The following PDE11A variants were observed in gnomAD, a reference collection of about 807,000 sequenced individuals.
The protein encoded by PDE11A is phosphodiesterase 11A.
PDE11A carries 100 observed loss-of-function variants against 100.5 expected under a neutral mutation model. The ratio of observed to expected loss-of-function variants is 1.00; its 90% CI spans 0.85 to 1.18. The LOEUF (loss-of-function observed/expected upper bound fraction) is 1.18. PDE11A is among the 50% of genes most tolerant of loss of function. PDE11A has a pLI of 0.00. For synonymous variants in PDE11A, 381 were observed against 420.8 expected (o/e 0.91, Z 1.16); for missense variants, 1,141 against 1,152.6 (o/e 0.99, Z 0.15).
At chr2:177,979,060 T>G (rs2085843558) in intron 2 of PDE11A, among the ~76,000 whole-genome samples, 1 of 115,422 alleles carries the variant, frequency 8.7e-6, no homozygotes, top group Admixed American at 8.4e-5. Context: ...ACATGTACCC[T>G]AAAACTTAGA....
At chr2:177,659,885 T>A (rs2080449843) in intron 19 of PDE11A, among the ~76,000 whole-genome samples, 2 of 152,164 alleles carry the variant, frequency 1.3e-5, no homozygotes, top group Non-Finnish European at 1.5e-5. Context: ...AATGTATTCC[T>A]TCGAGATACC....
intron 5 of PDE11A, among the ~76,000 whole-genome samples, chr2:177,841,613 A>T (rs1020012478): frequency 2.0e-5 from 3 of 152,248 alleles, no homozygotes; most frequent in African/African-American, 7.2e-5. Flanking sequence ...TGAGTGGGAC[A>T]CATAGACATT....
intron 5 of PDE11A, among the ~76,000 whole-genome samples, chr2:177,875,623 C>T (rs569334500): frequency 1.4e-4 from 22 of 152,054 alleles, no homozygotes; most frequent in African/African-American, 4.8e-4. Flanking sequence ...TCTCATGATT[C>T]GCCCGCCTCA....
chr2:177,860,389 A>G (rs1357172236), intron 5 of PDE11A, among the ~76,000 whole-genome samples: 1 of 152,004 alleles, frequency 6.6e-6, no homozygotes, highest in African/African-American at 2.4e-5. Flanking sequence ...GCAAGTATCA[A>G]AACAACTCAA....
rs1051393830 is a variant in PDE11A, at chr2:177,980,219, C to T, written c.1071+34083G>A. 4.7e-5 allele frequency among the ~76,000 whole-genome samples: 7 copies of T among 150,426 alleles called. 1 individual carries two copies. The highest frequency in any genetic ancestry group is 7.4e-5 in the Non-Finnish European group (5 of 67,194). On this transcript the variant is annotated intron_variant, in intron 2 of 19. Transcript: ENST00000286063. ...TAGGCATTATAAATCAAGTCTATCC[C>T]GATATTCCCAATTCTATCTCTGATG...
chr2:177,755,184 C>G (rs922563363), intron 10 of PDE11A, among the ~76,000 whole-genome samples: 1 of 152,108 alleles, frequency 6.6e-6, no homozygotes, highest in African/African-American at 2.4e-5. Flanking sequence ...TATTTATTTG[C>G]CTTATAATAT....
chr2:177,856,395 G>A (rs916990835), intron 5 of PDE11A, among the ~76,000 whole-genome samples: 6 of 151,934 alleles, frequency 3.9e-5, no homozygotes, highest in Admixed American at 2.6e-4. Flanking sequence ...GACGTGCAAA[G>A]ATACAGTAAA....
intron 15 of PDE11A, among the ~76,000 whole-genome samples, chr2:177,691,165 G>A (rs546894449): frequency 1.5e-4 from 23 of 152,240 alleles, no homozygotes; most frequent in South Asian, 1.5e-3. Flanking sequence ...GAGATATAGC[G>A]TTATGTAATC....
intron 9 of PDE11A, among the ~76,000 whole-genome samples, chr2:177,807,317 A>C (rs2082886545): frequency 6.6e-6 from 1 of 152,246 alleles, no homozygotes; most frequent in Non-Finnish European, 1.5e-5. Flanking sequence ...AGTTAGCTTT[A>C]AGCAGTAAGT....
chr2:178,096,313 A>G (rs995371950), intron 2 of PDE11A, among the ~76,000 whole-genome samples: 1 of 146,060 alleles, frequency 6.8e-6, no homozygotes, highest in African/African-American at 2.5e-5. Context: ...ACAGGCACCC[A>G]CCATCAAGCC....
At chr2:177,953,290 A>T (rs955729777) in intron 2 of PDE11A, 1 of 152,184 alleles carries the variant, frequency 6.6e-6, no homozygotes, top group East Asian at 1.9e-4. Context: ...TCCTACAATT[A>T]AAAAAGCCAA....
chr2:177,767,554 T>C (rs1368313347), intron 10 of PDE11A, among the ~76,000 whole-genome samples: 1 of 152,166 alleles, frequency 6.6e-6, no homozygotes, highest in Non-Finnish European at 1.5e-5. Context: ...TTTTCATAAA[T>C]AGGATTCCTA....
intron 9 of PDE11A, among the ~76,000 whole-genome samples, chr2:177,809,607 C>T (rs980138032): frequency 1.3e-5 from 2 of 152,158 alleles, no homozygotes; most frequent in African/African-American, 2.4e-5. Flanking sequence ...CCCTCTTGAG[C>T]CCTGTACCTG....
At chr2:177,969,705 C>T (rs2105796019) in intron 2 of PDE11A, among the ~76,000 whole-genome samples, 1 of 152,206 alleles carries the variant, frequency 6.6e-6, no homozygotes, top group African/African-American at 2.4e-5. Context: ...GGGTTTGCAA[C>T]TAATTATGTC....
At chr2:177,967,624 G>A (rs1463949855) in intron 2 of PDE11A, among the ~76,000 whole-genome samples, 1 of 151,872 alleles carries the variant, frequency 6.6e-6, no homozygotes, top group Non-Finnish European at 1.5e-5. Flanking sequence ...ATCTAGTATA[G>A]ACTGACAGTA....
chr2:177,845,759 G>T (rs1348663170), intron 5 of PDE11A, among the ~76,000 whole-genome samples: 3 of 152,220 alleles, frequency 2.0e-5, no homozygotes, highest in South Asian at 4.1e-4. Context: ...CTGAGTGAAC[G>T]AGACTCCGTC....
At position 177,745,946 on chromosome 2, in the gene PDE11A, C is replaced by G. The variant is rs3770037; in HGVS notation, c.1789-17774G>C. 1.4e-4 allele frequency among the ~76,000 whole-genome samples: 22 copies of G among 152,264 alleles called. 1 individual carries two copies. The East Asian group carries it at 4.3e-3, about 29-fold the overall frequency. On this transcript the variant is annotated intron_variant, in intron 10 of 19. Transcript: ENST00000286063. ...AGGTTGATAACCACCTGCCTGTGAA[C>G]TGTGAACCCCACTGCTTACCTGTGG...
intron 2 of PDE11A, among the ~76,000 whole-genome samples, chr2:178,006,777 C>T (rs2086217011): frequency 6.6e-6 from 1 of 150,822 alleles, no homozygotes; most frequent in Non-Finnish European, 1.5e-5. Context: ...TTGAAGACTA[C>T]AGAAAAGACT....
intron 2 of PDE11A, among the ~76,000 whole-genome samples, chr2:178,095,418 G>A (rs2087475612): frequency 6.6e-6 from 1 of 152,200 alleles, no homozygotes; most frequent in South Asian, 2.1e-4. Context: ...TGATGCAAGA[G>A]GTGGGTTCCC....
Sources: allele counts gnomAD v4.1 joint callset (sites outside exome capture counted in the v4.1 genomes callset), GRCh38; gene constraint gnomAD v4.1.1; transcripts MANE v1.5; gene names NCBI Gene and HGNC (gene_info 2026-07-23, HGNC 2026-07-21).